Variants in PGBD2 observed in about 807,000 individuals in gnomAD.
PGBD2 encodes piggyBac transposable element-derived protein 2.
In PGBD2, 6 loss-of-function variants were observed where a neutral mutation model predicts 8.1. The observed-to-expected ratio is 0.74, with a 90% CI of 0.40 to 1.46. PGBD2 has a LOEUF of 1.46. PGBD2 is among the 40% of genes most tolerant of loss of function. The pLI is 0.02. For synonymous variants in PGBD2, 318 were observed against 272.2 expected, an observed-to-expected ratio of 1.17 and a Z score of -1.66; for missense variants, 802 against 739.0, an observed-to-expected ratio of 1.09 and a Z score of -0.99.
chr1:248,924,862 C>T (rs956424023), downstream of PGBD2, among the ~76,000 whole-genome samples: 3 of 152,156 alleles, frequency 2.0e-5, no homozygotes, highest in African/African-American at 4.8e-5. Context: ...GTTTTTCTTA[C>T]CACTCAGCAA....
the PGBD2 span, among the ~76,000 whole-genome samples, chr1:248,887,941 T>G: frequency 6.6e-6 from 1 of 152,214 alleles, no homozygotes; most frequent in African/African-American, 2.4e-5. Flanking sequence ...CTCCAGTGTC[T>G]GTTGTTCCTA....
upstream of PGBD2, among the ~76,000 whole-genome samples, chr1:248,902,682 T>G (rs1401256216): frequency 6.6e-6 from 1 of 152,212 alleles, no homozygotes; most frequent in Non-Finnish European, 1.5e-5. Context: ...AGGATTGAGA[T>G]CATATCTTTT....
the PGBD2 span, among the ~76,000 whole-genome samples, chr1:248,895,359 C>T: frequency 6.6e-6 from 1 of 152,190 alleles, no homozygotes; most frequent in East Asian, 1.9e-4. Context: ...CAACCTGGCA[C>T]ACAAAGAGGA....
At chr1:248,875,755 A>G in the PGBD2 span, among the ~76,000 whole-genome samples, 1 of 152,216 alleles carries the variant, frequency 6.6e-6, no homozygotes, top group African/African-American at 2.4e-5. Context: ...AACCAGGTCC[A>G]TGCACGTTTG....
At chr1:248,903,875 G>A (rs1661575927), upstream of PGBD2, among the ~76,000 whole-genome samples, 1 of 152,142 alleles carries the variant, frequency 6.6e-6, no homozygotes, top group Non-Finnish European at 1.5e-5. Flanking sequence ...TCAGCAACTT[G>A]TAGCTGAGCT....
At chr1:248,926,786 A>G in the PGBD2 span, among the ~76,000 whole-genome samples, 2 of 152,154 alleles carry the variant, frequency 1.3e-5, no homozygotes, top group African/African-American at 2.4e-5. Context: ...GAAATATCCT[A>G]TGTTCCAAAA....
chr1:248,886,819 A>G, the PGBD2 span, among the ~76,000 whole-genome samples: 1 of 152,334 alleles, frequency 6.6e-6, no homozygotes, highest in African/African-American at 2.4e-5. Flanking sequence ...GGAGGGTTCA[A>G]AAGGAAACTT....
At chr1:248,891,053 ATCAC>A in the PGBD2 span, among the ~76,000 whole-genome samples, 1 of 152,128 alleles carries the variant, frequency 6.6e-6, no homozygotes, top group Non-Finnish European at 1.5e-5. Flanking sequence ...CCACTCACAA[ATCAC>A]TCACGCACTG....
At chr1:248,893,836 G>A in the PGBD2 span, among the ~76,000 whole-genome samples, 1 of 152,130 alleles carries the variant, frequency 6.6e-6, no homozygotes, top group African/African-American at 2.4e-5. Context: ...CATAATAGCT[G>A]TATTAATTCA....
chr1:248,922,295 G>A (rs561750390), downstream of PGBD2, among the ~76,000 whole-genome samples: 2 of 152,196 alleles, frequency 1.3e-5, no homozygotes, highest in East Asian at 1.9e-4. Flanking sequence ...TCCTGACCTC[G>A]TGATCCACCA....
chr1:248,902,953 C>T (rs1661559476), upstream of PGBD2, among the ~76,000 whole-genome samples: 1 of 150,210 alleles, frequency 6.7e-6, no homozygotes, highest in Non-Finnish European at 1.5e-5. Context: ...GCAAAATCAG[C>T]ATGGCACATT....
chr1:248,926,174 G>A, the PGBD2 span, among the ~76,000 whole-genome samples: 3 of 152,160 alleles, frequency 2.0e-5, no homozygotes, highest in South Asian at 2.1e-4. Context: ...GCAGGGACAC[G>A]TGTTGTTCTA....
At chr1:248,929,397 C>G in the PGBD2 span, among the ~76,000 whole-genome samples, 1 of 152,174 alleles carries the variant, frequency 6.6e-6, no homozygotes, top group African/African-American at 2.4e-5. Context: ...CCAAGGCTGT[C>G]ATCTCAGGCC....
At chr1:248,874,492 T>C in the PGBD2 span, among the ~76,000 whole-genome samples, 1 of 152,220 alleles carries the variant, frequency 6.6e-6, no homozygotes, top group East Asian at 1.9e-4. Context: ...ATGTAGTCAG[T>C]GTCTTTACTC....
chr1:248,929,456 T>G, the PGBD2 span, among the ~76,000 whole-genome samples: 3 of 152,236 alleles, frequency 2.0e-5, no homozygotes, highest in African/African-American at 4.8e-5. Context: ...GGCACCCCTT[T>G]GACTCACTTT....
downstream of PGBD2, chr1:248,919,883 T>G (rs78617039): frequency 1.0e-2 from 1,589 of 158,952 alleles, 15 homozygotes; most frequent in Non-Finnish European, 0.015. Context: ...TTGTACCTTT[T>G]GTTTTTATTT....
downstream of PGBD2, among the ~76,000 whole-genome samples, chr1:248,921,930 T>C (rs1662293897): frequency 1.3e-5 from 2 of 152,188 alleles, no homozygotes; most frequent in South Asian, 2.1e-4. Flanking sequence ...GATTCGGCTG[T>C]TTGTGTGTTA....
chr1:248,883,704 C>G, the PGBD2 span, among the ~76,000 whole-genome samples: 1 of 144,910 alleles, frequency 6.9e-6, no homozygotes, highest in South Asian at 2.2e-4. Context: ...TCGAGTGATT[C>G]TCCTGCCTCA....
chr1:248,882,476 A>T, the PGBD2 span, among the ~76,000 whole-genome samples: 1 of 152,210 alleles, frequency 6.6e-6, no homozygotes, highest in Admixed American at 6.5e-5. Context: ...CAGTTGCAGG[A>T]AAAGCTGGTT....
Sources: allele counts gnomAD v4.1 joint callset (sites outside exome capture counted in the v4.1 genomes callset), GRCh38; gene constraint gnomAD v4.1.1; transcripts MANE v1.5; gene names NCBI Gene and HGNC (gene_info 2026-07-23, HGNC 2026-07-21).